The following CA6 variants were observed in gnomAD, a reference collection of about 807,000 sequenced individuals.
The protein encoded by CA6 is carbonic anhydrase 6.
In CA6, 28 loss-of-function variants were observed where a neutral mutation model predicts 35.9. That is an observed-to-expected ratio of 0.78 (90% CI 0.58 to 1.07). The LOEUF (loss-of-function observed/expected upper bound fraction) is 1.07. CA6 is among the 50% of genes least tolerant of loss of function. The pLI is 0.00. For synonymous variants in CA6, 148 were observed against 152.6 expected (o/e 0.97, Z 0.22); for missense variants, 377 against 382.0 (o/e 0.99, Z 0.11).
chr1:8,967,207 C>A (rs1639993106), intron 5 of CA6, among the ~76,000 whole-genome samples: 2 of 152,094 alleles, frequency 1.3e-5, no homozygotes, highest in Admixed American at 1.3e-4. Flanking sequence ...GGGCACTTAC[C>A]CAGAAGTCTC....
Position 8,967,761 on chromosome 1 carries a change from C to G in CA6, c.674C>G (p.Thr225Ser), listed in dbSNP as rs1224099425. Residue 225 changes from threonine (T) to serine (S), a missense_variant, in exon 6 of 8, where the codon ACT becomes AGT. Physicochemically the swap from Thr to Ser is moderately conservative, Grantham distance 58. Transcript: ENST00000377443. ...YHGSLTTPPC[T>S]ENVHWFVLAD... ...GGCTCACTCACCACGCCTCCCTGCA[C>G]TGAGAACGTCCACTGGTTTGTGCTG... The G allele has an allele frequency of 6.2e-7, 1 of 1,614,106 alleles. No individual in the cohort carries two copies. The highest frequency in any genetic ancestry group is 2.2e-5 in the East Asian group (1 of 44,876).
At chr1:8,971,345 T>A (rs1377508253) in intron 7 of CA6, among the ~76,000 whole-genome samples, 2 of 142,984 alleles carry the variant, frequency 1.4e-5, no homozygotes, top group Non-Finnish European at 3.0e-5. Context: ...AGAGTCTCAC[T>A]CTGTCACCCA....
chr1:8,968,011 G>C (rs180999648), intron 6 of CA6, among the ~76,000 whole-genome samples, 195 bp downstream of exon 6: 60 of 125,970 alleles, frequency 4.8e-4, no homozygotes, highest in South Asian at 4.6e-3. Flanking sequence ...TCTGTCACCT[G>C]GGCTGGAGTG....
intron 4 of CA6, among the ~76,000 whole-genome samples, chr1:8,961,637 G>A (rs568728637): frequency 5.9e-5 from 9 of 152,216 alleles, no homozygotes; most frequent in South Asian, 2.1e-4. Flanking sequence ...AAAAAGGCAC[G>A]AGACATCTAG....
chr1:8,969,703 A>G (rs545869180), intron 6 of CA6, among the ~76,000 whole-genome samples: 3 of 152,178 alleles, frequency 2.0e-5, no homozygotes, highest in Non-Finnish European at 4.4e-5. Flanking sequence ...TCACATTGAA[A>G]TCATCAAAGA....
chr1:8,972,343 G>C (rs1331192963), intron 7 of CA6, among the ~76,000 whole-genome samples: 4 of 151,790 alleles, frequency 2.6e-5, no homozygotes, highest in Non-Finnish European at 2.9e-5. Flanking sequence ...GAGCCACCTC[G>C]TTCGGCCTTA....
chr1:8,973,187 T>G (rs1046763337), intron 7 of CA6, among the ~76,000 whole-genome samples: 1 of 152,064 alleles, frequency 6.6e-6, no homozygotes, highest in African/African-American at 2.4e-5. Flanking sequence ...GCCAGGCTAA[T>G]TTTTGTATTT....
At chr1:8,951,080 G>T (rs1417182696) in intron 2 of CA6, among the ~76,000 whole-genome samples, 2 of 151,980 alleles carry the variant, frequency 1.3e-5, no homozygotes, top group African/African-American at 2.4e-5. Flanking sequence ...GTTGGGCGTG[G>T]TGGCGCATGC....
At chr1:8,967,839 C>T (rs775576175) in intron 6 of CA6, 23 bp downstream of exon 6, 10 of 1,609,630 alleles carry the variant, frequency 6.2e-6, no homozygotes, top group African/African-American at 1.3e-5. Flanking sequence ...ATCACTTTGC[C>T]GAAGTCTTCC....
intron 4 of CA6, among the ~76,000 whole-genome samples, chr1:8,960,878 C>T (rs1639825249): frequency 6.6e-6 from 1 of 151,622 alleles, no homozygotes; most frequent in Non-Finnish European, 1.5e-5. Flanking sequence ...CCAAAAGCCT[C>T]AAATCTGAGG....
At position 8,974,610 on chromosome 1, in the gene CA6, T is replaced by A. The variant is rs532265641; in HGVS notation, c.845-12T>A. ...AGGTTTAACCATTTCCGACTAACTCTTCTTTTTACAGAATACACTCTAGGC... is the reference window on the plus strand; with the variant it reads ...AGGTTTAACCATTTCCGACTAACTCATCTTTTTACAGAATACACTCTAGGC... On this transcript the variant is annotated splice_polypyrimidine_tract_variant and intron_variant, in intron 7 of 7. Transcript: ENST00000377443. The A allele has an allele frequency of 1.3e-6, 2 of 1,588,904 alleles. No individual in the cohort carries two copies. Among genetic ancestry groups the A allele is most frequent in the African/African-American group, 2.7e-5 (2 of 74,470 alleles).
intron 2 of CA6, chr1:8,952,489 G>A (rs187322931): frequency 6.6e-6 from 1 of 152,010 alleles, no homozygotes; most frequent in Non-Finnish European, 1.5e-5. Context: ...AAGTTATTTG[G>A]CTATTGCCAT....
At chr1:8,972,691 AAAAC>A (rs763422455) in intron 7 of CA6, among the ~76,000 whole-genome samples, 1 of 152,042 alleles carries the variant, frequency 6.6e-6, no homozygotes, top group African/African-American at 2.4e-5. Flanking sequence ...TCAAAAAACC[AAAAC>A]AAACAAACAA....
chr1:8,948,655 C>T (rs962304891), intron 1 of CA6, among the ~76,000 whole-genome samples: 5 of 151,916 alleles, frequency 3.3e-5, no homozygotes, highest in South Asian at 4.2e-4. Flanking sequence ...ATAAGTCAAA[C>T]GAGAGCAAAA....
rs1199499145 is a variant in CA6 at position 8,949,437 on chromosome 1, A to T, written c.254A>T (p.His85Leu). ...AGEFPMVNNG[H>L]TVQISLPSTM... The stretch of plus-strand genomic sequence containing the variant: ...GAGTTCCCCATGGTCAACAATGGCC[A>T]CACAGGTAAGAGGAAGGGGTGGTGA... Residue 85 changes from histidine (H) to leucine (L), a missense_variant, in exon 2 of 8, where the codon CAC becomes CTC. Transcript: ENST00000377443. 22 of 1,611,818 alleles carry T rather than the reference A, an allele frequency of 1.4e-5. No individual in the cohort carries two copies. Among genetic ancestry groups the T allele is most frequent in the Non-Finnish European group, 1.9e-5 (22 of 1,178,826 alleles).
At chr1:8,966,367 C>T (rs1012973436) in intron 5 of CA6, among the ~76,000 whole-genome samples, 1 of 152,136 alleles carries the variant, frequency 6.6e-6, no homozygotes, top group African/African-American at 2.4e-5. Context: ...GCCTCGGCCT[C>T]CCAAAGTGCT....
At chr1:8,966,243 G>A (rs1239932454) in intron 5 of CA6, among the ~76,000 whole-genome samples, 1 of 152,058 alleles carries the variant, frequency 6.6e-6, no homozygotes, top group African/African-American at 2.4e-5. Flanking sequence ...CCGAGTAGCT[G>A]GGATTACAGG....
intron 2 of CA6, among the ~76,000 whole-genome samples, chr1:8,949,823 C>T (rs1214315489): frequency 6.6e-6 from 1 of 152,068 alleles, no homozygotes; most frequent in Non-Finnish European, 1.5e-5. Flanking sequence ...TGAGTCTATT[C>T]AGCTCAAAGC....
intron 5 of CA6, among the ~76,000 whole-genome samples, chr1:8,964,139 C>T (rs1260891554): frequency 1.3e-5 from 2 of 152,238 alleles, no homozygotes. Flanking sequence ...CTGCTCTTGT[C>T]AACACCACCC....
Sources: gnomAD v4.1 joint callset for allele counts (sites outside exome capture counted in the v4.1 genomes callset) on GRCh38, gnomAD v4.1.1 for gene constraint, MANE v1.5 for transcripts, NCBI Gene and HGNC (gene_info 2026-07-23, HGNC 2026-07-21) for gene names.